Variants in NAALADL2 observed in about 807,000 individuals in gnomAD.
NAALADL2 encodes the protein N-acetylated alpha-linked acidic dipeptidase like 2.
In NAALADL2, 76 loss-of-function variants were observed where a neutral mutation model predicts 87.2. The ratio of observed to expected loss-of-function variants is 0.87; its 90% CI spans 0.72 to 1.05. The LOEUF is 1.05. Among genes scored for constraint, NAALADL2 ranks in the 50% least tolerant of loss-of-function variants. NAALADL2 has a pLI of 0.00. For missense variants in NAALADL2, 1,089 were observed against 945.8 expected, an observed-to-expected ratio of 1.15 and a Z score of -1.99; for synonymous variants, 354 against 331.0, an observed-to-expected ratio of 1.07 and a Z score of -0.75.
At position 175,007,850 on chromosome 3, in the gene NAALADL2, C is replaced by T. The variant is rs542743968; in HGVS notation, c.44-88940C>T. 4.6e-5 allele frequency among the ~76,000 whole-genome samples: 7 copies of T among 152,208 alleles called. 1 individual carries two copies. Among genetic ancestry groups the T allele is most frequent in the South Asian group, 4.1e-4 (2 of 4,824 alleles). Reference sequence around the variant, plus strand: ...TAGAATAATTATGACAATATACCATCGTCACTACTGTTATGCTTTGGGTCC... The same window carrying T: ...TAGAATAATTATGACAATATACCATTGTCACTACTGTTATGCTTTGGGTCC... On this transcript the variant is annotated intron_variant, in intron 1 of 13. Transcript: ENST00000454872.
chr3:174,859,977 C>A (rs1726284341), intron 1 of NAALADL2, among the ~76,000 whole-genome samples: 1 of 152,070 alleles, frequency 6.6e-6, no homozygotes, highest in Non-Finnish European at 1.5e-5. Context: ...ATTTATTTCA[C>A]AGGTGTTGCT....
intron 13 of NAALADL2, among the ~76,000 whole-genome samples, chr3:175,792,459 G>A (rs1752913082): frequency 6.6e-6 from 1 of 152,034 alleles, no homozygotes; most frequent in Non-Finnish European, 1.5e-5. Context: ...ACATTACAAT[G>A]TTTTGTTGAT....
At chr3:175,702,024 T>G (rs1739062433) in intron 11 of NAALADL2, among the ~76,000 whole-genome samples, 1 of 152,196 alleles carries the variant, frequency 6.6e-6, no homozygotes, top group Admixed American at 6.5e-5. Flanking sequence ...CAGCAAAATT[T>G]ATCAGACTAT....
chr3:175,767,788 C>T (rs186019151), intron 13 of NAALADL2: 9 of 151,990 alleles, frequency 5.9e-5, no homozygotes, highest in African/African-American at 1.9e-4. Flanking sequence ...CAGTTCCAGC[C>T]GCCTGCAGTT....
At chr3:174,968,194 G>T (rs534395930) in intron 1 of NAALADL2, among the ~76,000 whole-genome samples, 4 of 152,218 alleles carry the variant, frequency 2.6e-5, no homozygotes, top group African/African-American at 9.6e-5. Flanking sequence ...AGCCAGAGAT[G>T]GTCTGTTACT....
chr3:174,654,093 TGTGTG>T (rs1724658707), intron 2 of NAALADL2, among the ~76,000 whole-genome samples: 1 of 151,302 alleles, frequency 6.6e-6, no homozygotes, highest in Non-Finnish European at 1.5e-5. Flanking sequence ...TGTGTGTGTG[TGTGTG>T]TGTTAGAAAT....
At chr3:174,861,246 C>T (rs934616714) in intron 1 of NAALADL2, among the ~76,000 whole-genome samples, 1 of 152,006 alleles carries the variant, frequency 6.6e-6, no homozygotes, top group Non-Finnish European at 1.5e-5. Context: ...GTTATATTTG[C>T]ATCAAGATTC....
chr3:174,986,603 A>C (rs59246912), intron 1 of NAALADL2, among the ~76,000 whole-genome samples: 2 of 152,006 alleles, frequency 1.3e-5, no homozygotes, highest in African/African-American at 4.8e-5. Flanking sequence ...AGCATATCTT[A>C]ATTAATATGG....
intron 3 of NAALADL2, among the ~76,000 whole-genome samples, chr3:174,775,360 A>G (rs1272069129): frequency 2.6e-5 from 4 of 152,056 alleles, no homozygotes; most frequent in Non-Finnish European, 5.9e-5. Flanking sequence ...AGTTTTGCCT[A>G]TTCTGGATAT....
chr3:175,571,712 A>G (rs1042195394), intron 9 of NAALADL2, among the ~76,000 whole-genome samples: 2 of 152,210 alleles, frequency 1.3e-5, no homozygotes, highest in African/African-American at 4.8e-5. Flanking sequence ...AAAGTAATGA[A>G]TAATGAAGAT....
rs1740169237 is a variant in NAALADL2 at position 175,202,346 on chromosome 3, G to C, written c.546-31585G>C. 2.0e-5 allele frequency among the ~76,000 whole-genome samples: 3 copies of C among 152,170 alleles called. No individual in the cohort carries two copies. The South Asian group carries it at 6.2e-4, about 32-fold the overall frequency. ...CCCTCTTCCATTTCCTCTCCTCTCT[G>C]ATCTATGCATCTCTTTCCTTAGTTT... is the stretch of plus-strand genomic sequence containing the variant. On this transcript the variant is annotated intron_variant, in intron 2 of 13. Transcript: ENST00000454872.
At chr3:175,474,987 C>G (rs1483687819) in intron 9 of NAALADL2, among the ~76,000 whole-genome samples, 1 of 149,016 alleles carries the variant, frequency 6.7e-6, no homozygotes, top group African/African-American at 2.5e-5. Context: ...GCATTATAAA[C>G]TGTAATTATA....
At chr3:174,979,304 C>CTTTTTTTTTTTTTTTTTTTTTTTTTT (rs5854604) in intron 1 of NAALADL2, among the ~76,000 whole-genome samples, 1 of 105,222 alleles carries the variant, frequency 9.5e-6, no homozygotes, top group Non-Finnish European at 1.8e-5. Flanking sequence ...TCTTTCTTTT[C>CTTTTTTTTTTTTTTTTTTTTTTTTTT]TTTTTTTTTT....
At chr3:175,032,522 A>G (rs1752920705) in intron 1 of NAALADL2, among the ~76,000 whole-genome samples, 1 of 152,068 alleles carries the variant, frequency 6.6e-6, no homozygotes, top group Admixed American at 6.6e-5. Flanking sequence ...TTACCTATAT[A>G]GAACTTGTAC....
chr3:174,746,282 A>G (rs2109023201), intron 3 of NAALADL2, among the ~76,000 whole-genome samples: 1 of 152,278 alleles, frequency 6.6e-6, no homozygotes, highest in East Asian at 1.9e-4. Context: ...CTTATACACC[A>G]ACAATGAACA....
intron 1 of NAALADL2, among the ~76,000 whole-genome samples, chr3:174,958,348 G>C (rs1425852294): frequency 6.6e-6 from 1 of 151,820 alleles, no homozygotes; most frequent in African/African-American, 2.4e-5. Context: ...TGAAGATATT[G>C]AAAGAGTGGC....
chr3:174,924,716 A>G (rs1735736715), intron 1 of NAALADL2, among the ~76,000 whole-genome samples: 1 of 152,148 alleles, frequency 6.6e-6, no homozygotes, highest in Admixed American at 6.5e-5. Context: ...CATCCTCTCC[A>G]GCACCTGTTG....
chr3:175,094,139 T>TAG (rs1720689748), intron 1 of NAALADL2, among the ~76,000 whole-genome samples: 1 of 151,868 alleles, frequency 6.6e-6, no homozygotes, highest in Non-Finnish European at 1.5e-5. Flanking sequence ...AAAAAACCTT[T>TAG]AGAGAGAGAG....
At chr3:175,132,648 C>T (rs182773931) in intron 2 of NAALADL2, among the ~76,000 whole-genome samples, 32,860 of 87,762 alleles carry the variant, frequency 0.37, 6,637 homozygotes, top group East Asian at 0.48. Context: ...GGTGGCTGGC[C>T]GGGCGGGGGG....
Sources: allele counts gnomAD v4.1 joint callset (sites outside exome capture counted in the v4.1 genomes callset), GRCh38; gene constraint gnomAD v4.1.1; transcripts MANE v1.5; gene names NCBI Gene and HGNC (gene_info 2026-07-23, HGNC 2026-07-21).